The following PRR16 variants were observed in gnomAD, a reference collection of about 807,000 sequenced individuals.
PRR16 encodes the protein proline rich 16, also known as protein Largen.
In PRR16, 6 loss-of-function variants were observed where a neutral mutation model predicts 18.2. The observed-to-expected ratio is 0.33, with a 90% CI of 0.18 to 0.65. The LOEUF (loss-of-function observed/expected upper bound fraction) is 0.65. PRR16 is among the 30% of genes least tolerant of loss of function. PRR16 has a pLI of 0.74. For synonymous variants in PRR16, 151 were observed against 147.8 expected (o/e 1.02, Z -0.16); for missense variants, 412 against 376.6 (o/e 1.09, Z -0.78).
At chr5:120,578,142 G>A (rs1753141018) in intron 1 of PRR16, among the ~76,000 whole-genome samples, 1 of 152,116 alleles carries the variant, frequency 6.6e-6, no homozygotes, top group African/African-American at 2.4e-5. Flanking sequence ...ACCTTTTAAA[G>A]CAGTTTTTCC....
chr5:120,568,802 T>A lies in PRR16; in HGVS notation c.159+104157T>A, dbSNP rs373721431. ...TTTAGACATTAATTGTCTAAATCACTACATTAACTTTTCAGAACCATCTGA... is the reference window on the plus strand; with the variant it reads ...TTTAGACATTAATTGTCTAAATCACAACATTAACTTTTCAGAACCATCTGA... On this transcript the variant is annotated intron_variant, in intron 1 of 1. Coordinates refer to ENST00000407149, the MANE Select transcript of PRR16 (RefSeq NM_001300783.2). Among the ~76,000 whole-genome samples, 147 of 152,292 alleles carry A rather than the reference T, an allele frequency of 9.7e-4. 3 individuals are homozygous for A. The South Asian group carries it at 0.028, about 29-fold the overall frequency.
At chr5:120,474,071 A>G (rs1425427313) in intron 1 of PRR16, among the ~76,000 whole-genome samples, 2 of 152,182 alleles carry the variant, frequency 1.3e-5, no homozygotes, top group East Asian at 1.9e-4. Context: ...ACAAGGGCCC[A>G]GGGTGGCAGG....
chr5:120,664,181 C>G (rs1756277268), intron 1 of PRR16, among the ~76,000 whole-genome samples: 1 of 151,936 alleles, frequency 6.6e-6, no homozygotes. Flanking sequence ...TGCGTGTAAT[C>G]CCAGCTACTC....
chr5:120,782,054 T>G, the PRR16 span, among the ~76,000 whole-genome samples: 1 of 152,200 alleles, frequency 6.6e-6, no homozygotes. Context: ...ATATTACTAC[T>G]TTTCTTTCAT....
chr5:120,512,532 A>G lies in PRR16; in HGVS notation c.159+47887A>G, dbSNP rs148931401. ...TTATGGGTCGGTGGTTTCTGGCGGC[A>G]TAGAAAAAAGAATCTGAGACTAGAA... On this transcript the variant is annotated intron_variant, in intron 1 of 1. Transcript: ENST00000407149. Among the ~76,000 whole-genome samples the G allele has an allele frequency of 1.0e-3, 155 of 152,294 alleles. 2 individuals carry two copies. In the East Asian group the frequency reaches 0.024, roughly 24 times the overall value.
intron 1 of PRR16, among the ~76,000 whole-genome samples, chr5:120,469,318 C>T (rs903975475): frequency 1.3e-5 from 2 of 152,004 alleles, no homozygotes; most frequent in Admixed American, 6.6e-5. Context: ...AGAATAATCT[C>T]GGAACTATTT....
rs554908086 is a variant in PRR16, at chr5:120,487,005, T to C, written c.159+22360T>C. On this transcript the variant is annotated intron_variant, in intron 1 of 1. Coordinates refer to ENST00000407149, the MANE Select transcript of PRR16 (RefSeq NM_001300783.2). ...GGCTCTGTTCTGTTCCATTGGTCTA[T>C]ATCTCTGTTTTGGTACCAGTACCAT... Among the ~76,000 whole-genome samples the C allele has an allele frequency of 3.5e-4, 53 of 152,338 alleles. No homozygotes were observed. In the East Asian group the frequency reaches 9.1e-3, roughly 26 times the overall value.
At chr5:120,465,357 T>C (rs1202872748) in intron 1 of PRR16, among the ~76,000 whole-genome samples, 2 of 152,252 alleles carry the variant, frequency 1.3e-5, no homozygotes, top group African/African-American at 4.8e-5. Flanking sequence ...CCACTTGGCA[T>C]TGAACCCGAG....
At chr5:120,544,035 G>A (rs973905542) in intron 1 of PRR16, among the ~76,000 whole-genome samples, 7 of 152,120 alleles carry the variant, frequency 4.6e-5, no homozygotes, top group African/African-American at 1.7e-4. Context: ...CTAAATCATG[G>A]ATTTCTGTAA....
intron 1 of PRR16, among the ~76,000 whole-genome samples, chr5:120,668,534 A>T (rs907529131): frequency 6.6e-6 from 1 of 151,988 alleles, no homozygotes; most frequent in African/African-American, 2.4e-5. Flanking sequence ...TAGTTGATGG[A>T]GTTTCTTCCT....
intron 1 of PRR16, among the ~76,000 whole-genome samples, chr5:120,643,027 T>C (rs990376976): frequency 2.0e-5 from 3 of 152,134 alleles, no homozygotes; most frequent in Non-Finnish European, 2.9e-5. Flanking sequence ...GCTTGCTCTT[T>C]AAATTACTGT....
chr5:120,640,199 G>T (rs1372925603), intron 1 of PRR16, among the ~76,000 whole-genome samples: 1 of 152,008 alleles, frequency 6.6e-6, no homozygotes, highest in East Asian at 1.9e-4. Flanking sequence ...TGGGTACTAT[G>T]TTCAATACCC....
intron 1 of PRR16, among the ~76,000 whole-genome samples, chr5:120,560,914 A>G (rs1403430374): frequency 6.6e-6 from 1 of 152,114 alleles, no homozygotes; most frequent in Non-Finnish European, 1.5e-5. Flanking sequence ...TTATTGGCAT[A>G]TAGTTGTACA....
At chr5:120,653,097 A>T (rs978578645) in intron 1 of PRR16, among the ~76,000 whole-genome samples, 1 of 152,024 alleles carries the variant, frequency 6.6e-6, no homozygotes, top group Non-Finnish European at 1.5e-5. Context: ...AAATTAATTC[A>T]TGCTATTATA....
chr5:120,748,241 C>CT, the PRR16 span, among the ~76,000 whole-genome samples: 1 of 152,014 alleles, frequency 6.6e-6, no homozygotes, highest in Non-Finnish European at 1.5e-5. Flanking sequence ...CATGTTCAGA[C>CT]TGTAGTGAGG....
At chr5:120,689,582 C>G (rs905569182), downstream of PRR16, among the ~76,000 whole-genome samples, 2 of 152,034 alleles carry the variant, frequency 1.3e-5, no homozygotes, top group African/African-American at 4.8e-5. Flanking sequence ...TTACACATAG[C>G]GTTTATCACA....
chr5:120,646,023 C>T (rs1460370530), intron 1 of PRR16, among the ~76,000 whole-genome samples: 1 of 103,514 alleles, frequency 9.7e-6, no homozygotes, highest in Non-Finnish European at 2.0e-5. Flanking sequence ...AAGATAAGCT[C>T]AAATTACAAA....
the PRR16 span, among the ~76,000 whole-genome samples, chr5:120,780,716 T>TAA: frequency 6.6e-6 from 1 of 152,154 alleles, no homozygotes; most frequent in Non-Finnish European, 1.5e-5. Context: ...ATCAGTATGT[T>TAA]AAAAAGTTAC....
intron 1 of PRR16, among the ~76,000 whole-genome samples, chr5:120,514,274 T>C (rs772855736): frequency 5.3e-5 from 8 of 152,186 alleles, no homozygotes; most frequent in Non-Finnish European, 1.2e-4. Context: ...GGAAGTTCTC[T>C]GAAATGCCTT....
Sources: allele counts gnomAD v4.1 joint callset (sites outside exome capture counted in the v4.1 genomes callset), GRCh38; gene constraint gnomAD v4.1.1; transcripts MANE v1.5; gene names NCBI Gene and HGNC (gene_info 2026-07-23, HGNC 2026-07-21).